CACNA1A: variants seen among roughly 807,000 people sequenced by gnomAD.
CACNA1A encodes voltage-dependent P/Q-type calcium channel subunit alpha-1A.
CACNA1A carries 57 observed loss-of-function variants against 262.4 expected under a neutral mutation model. That is an observed-to-expected ratio of 0.22 (90% CI 0.18 to 0.27). The LOEUF (loss-of-function observed/expected upper bound fraction) is 0.27. Among genes scored for constraint, CACNA1A ranks in the 10% least tolerant of loss-of-function variants. CACNA1A has a pLI of 1.00. For synonymous variants in CACNA1A, 1,431 were observed against 1,419.3 expected, an observed-to-expected ratio of 1.01 and a Z score of -0.18; for missense variants, 2,526 against 3,562.8, an observed-to-expected ratio of 0.71 and a Z score of 7.41.
intron 38 of CACNA1A, among the ~76,000 whole-genome samples, chr19:13,217,870 T>C (rs904924923): frequency 3.3e-5 from 5 of 151,362 alleles, no homozygotes; most frequent in African/African-American, 1.2e-4. Flanking sequence ...TGAAATGTCC[T>C]GCCTGAAGAG....
intron 3 of CACNA1A, among the ~76,000 whole-genome samples, chr19:13,385,388 C>G (rs1383221210): frequency 2.6e-5 from 4 of 152,054 alleles, no homozygotes; most frequent in African/African-American, 7.2e-5. Context: ...TGCCACCATG[C>G]CTGGCTAATT....
chr19:13,215,859 T>C (rs1193261463), intron 38 of CACNA1A, among the ~76,000 whole-genome samples: 1 of 152,148 alleles, frequency 6.6e-6, no homozygotes, highest in Non-Finnish European at 1.5e-5. Context: ...ATTACTGCAG[T>C]GACCCATCTG....
chr19:13,209,213 T>G, intron 45 of CACNA1A, 99 bp downstream of exon 45: 1 of 1,369,838 alleles, frequency 7.3e-7, no homozygotes, highest in Non-Finnish European at 9.6e-7. Flanking sequence ...CATGGAGGCC[T>G]CTCCCTTTCT....
intron 1 of CACNA1A, among the ~76,000 whole-genome samples, chr19:13,460,161 C>G (rs1275113472): frequency 6.6e-6 from 1 of 152,170 alleles, no homozygotes; most frequent in Admixed American, 6.6e-5. Flanking sequence ...GTCCCAGAAC[C>G]AGCACCGGTT....
At chr19:13,231,194 T>A (rs570701472) in intron 35 of CACNA1A, among the ~76,000 whole-genome samples, 4 of 150,010 alleles carry the variant, frequency 2.7e-5, no homozygotes, top group Middle Eastern at 3.4e-3. Flanking sequence ...TTTTTTTTTT[T>A]AAAGAGATGG....
At chr19:13,277,813 C>G (rs1192497813) in intron 22 of CACNA1A, 4 of 152,824 alleles carry the variant, frequency 2.6e-5, no homozygotes, top group Non-Finnish European at 5.8e-5. Context: ...ACCGGCTGGG[C>G]ACGGTGGCTC....
At chr19:13,284,321 T>C (rs1055289166) in intron 21 of CACNA1A, 1 of 152,218 alleles carries the variant, frequency 6.6e-6, no homozygotes, top group African/African-American at 2.4e-5. Flanking sequence ...GTAAAATCGA[T>C]AAGTCAACTA....
At chr19:13,453,666 G>A (rs2060955832) in intron 2 of CACNA1A, among the ~76,000 whole-genome samples, 1 of 152,184 alleles carries the variant, frequency 6.6e-6, no homozygotes, top group African/African-American at 2.4e-5. Flanking sequence ...AGAACCTCCG[G>A]CTGGTTCTGG....
intron 19 of CACNA1A, among the ~76,000 whole-genome samples, chr19:13,292,263 C>T (rs1230227864): frequency 6.6e-6 from 1 of 151,940 alleles, no homozygotes; most frequent in Non-Finnish European, 1.5e-5. Flanking sequence ...TGGAGTGAGC[C>T]ACTGAAAGAC....
chr19:13,378,753 C>G (rs968876891), intron 3 of CACNA1A, among the ~76,000 whole-genome samples: 17 of 151,960 alleles, frequency 1.1e-4, no homozygotes, highest in African/African-American at 3.4e-4. Flanking sequence ...ATCTCCCCCC[C>G]GCCTCCCAGG....
chr19:13,239,197 C>T (rs1439166170), intron 31 of CACNA1A, among the ~76,000 whole-genome samples: 1 of 152,142 alleles, frequency 6.6e-6, no homozygotes, highest in African/African-American at 2.4e-5. Context: ...CTCCCCAGCC[C>T]CGGGTCCTGT....
intron 23 of CACNA1A, among the ~76,000 whole-genome samples, chr19:13,276,720 C>CA (rs1307777481): frequency 1.1e-5 from 1 of 91,936 alleles, no homozygotes; most frequent in Non-Finnish European, 2.3e-5. Flanking sequence ...TTTTTTTTGA[C>CA]AGAGTCTCGC....
chr19:13,490,318 T>C (rs1980603615), intron 1 of CACNA1A, among the ~76,000 whole-genome samples: 1 of 152,110 alleles, frequency 6.6e-6, no homozygotes, highest in African/African-American at 2.4e-5. Flanking sequence ...AGAAACCTAG[T>C]CCTAGCCCAG....
At position 13,207,918 on chromosome 19, in the gene CACNA1A, C is replaced by T. The variant is rs1340277628; in HGVS notation, c.6916G>A (p.Ala2306Thr). ...HVSYSPVIRK[A>T]GGSGPPQQQQ... ...TGCTGCGGGGGCCCCGAGCCGCCGG[C>T]CTTACGGATCACAGGGGAATAGGAC... is the stretch of plus-strand genomic sequence containing the variant. The change falls in exon 47 of 47, where the codon GCC becomes ACC. Residue 2306 changes from alanine to threonine, a missense_variant. Transcript: ENST00000360228. The surrounding 1 kb of genome is among the most constrained non-coding windows in gnomAD (Gnocchi z 5.7). 31 of 1,463,798 alleles carry T rather than the reference C, an allele frequency of 2.1e-5. 1 individual carries two copies. The highest frequency in any genetic ancestry group is 2.7e-5 in the Non-Finnish European group (30 of 1,112,918). The allele number at this position is 1,463,798 out of a possible 1,614,324, so 90.7% of individuals were successfully genotyped here. A position where few individuals can be genotyped will look rare whatever the true frequency, so the allele number is the denominator to read the frequency against.
At chr19:13,452,150 T>A (rs1254302088) in intron 3 of CACNA1A, 1 of 152,178 alleles carries the variant, frequency 6.6e-6, no homozygotes, top group East Asian at 1.9e-4. Flanking sequence ...TTGAATTTTC[T>A]ATGAGTGACA....
At chr19:13,428,427 A>G (rs2060443996) in intron 3 of CACNA1A, among the ~76,000 whole-genome samples, 1 of 152,224 alleles carries the variant, frequency 6.6e-6, no homozygotes, top group Non-Finnish European at 1.5e-5. Context: ...GGCCTAGCAC[A>G]TAGTAGAACC....
intron 3 of CACNA1A, among the ~76,000 whole-genome samples, chr19:13,393,943 G>C (rs1004854512): frequency 6.6e-6 from 1 of 151,772 alleles, no homozygotes; most frequent in Non-Finnish European, 1.5e-5. Flanking sequence ...AGCCTCACTC[G>C]GCTATGTTCT....
rs558113734 is a variant in CACNA1A, at chr19:13,216,942, T to A, written c.5732-2334A>T. ...GCTTGAAAGAGGATAGGGTCCAGCC[T>A]GGTCAACATGGTGAAACCAGTCTCT... On this transcript the variant is annotated intron_variant, in intron 38 of 46. Transcript: ENST00000360228. Among the ~76,000 whole-genome samples the A allele has an allele frequency of 4.1e-4, 63 of 152,230 alleles. 1 individual carries two copies. Among genetic ancestry groups the A allele is most frequent in the African/African-American group, 1.3e-3 (55 of 41,562 alleles).
intron 3 of CACNA1A, among the ~76,000 whole-genome samples, chr19:13,446,845 C>T (rs911101543): frequency 1.3e-5 from 2 of 151,846 alleles, no homozygotes; most frequent in African/African-American, 4.8e-5. Context: ...CCCACCTCAG[C>T]TTCCAGTAGC....
Sources: allele counts gnomAD v4.1 joint callset (sites outside exome capture counted in the v4.1 genomes callset), GRCh38; gene constraint gnomAD v4.1.1; non-coding constraint Gnocchi (gnomAD v3.1); transcripts MANE v1.5; gene names NCBI Gene and HGNC (gene_info 2026-07-23, HGNC 2026-07-21).